ELOVL6: variants seen among roughly 807,000 people sequenced by gnomAD.
The protein encoded by ELOVL6 is ELOVL fatty acid elongase 6, also known as very long chain fatty acid elongase 6.
Under a neutral mutation model 31.7 loss-of-function variants are expected in ELOVL6, and 8 were observed. The ratio of observed to expected loss-of-function variants is 0.25; its 90% CI spans 0.15 to 0.45. ELOVL6 has a LOEUF of 0.45. Ranked by LOEUF, ELOVL6 falls within the 20% of genes least tolerant of loss-of-function variation. The pLI is 1.00. For missense variants in ELOVL6, 126 were observed against 326.4 expected (o/e 0.39, Z 4.73); for synonymous variants, 101 against 117.7 (o/e 0.86, Z 0.92).
chr4:110,102,468 C>A (rs980235831), intron 2 of ELOVL6, among the ~76,000 whole-genome samples: 2 of 152,032 alleles, frequency 1.3e-5, no homozygotes, highest in African/African-American at 2.4e-5. Context: ...CTAGCTAGGG[C>A]AACATAGTGA....
chr4:110,114,697 G>A (rs1757128035), intron 1 of ELOVL6, among the ~76,000 whole-genome samples: 1 of 152,150 alleles, frequency 6.6e-6, no homozygotes, highest in East Asian at 1.9e-4. Flanking sequence ...TTATCCTAAA[G>A]AAGCCTAGGA....
At chr4:110,066,555 C>A (rs1472609987) in intron 2 of ELOVL6, among the ~76,000 whole-genome samples, 2 of 145,150 alleles carry the variant, frequency 1.4e-5, no homozygotes, top group Non-Finnish European at 3.0e-5. Context: ...AGGAGAATCA[C>A]GTGAACGCAG....
At chr4:110,128,798 C>G (rs553527853) in intron 1 of ELOVL6, among the ~76,000 whole-genome samples, 1 of 152,220 alleles carries the variant, frequency 6.6e-6, no homozygotes, top group Non-Finnish European at 1.5e-5. Context: ...CAGCTACCAA[C>G]ATGCAACAAT....
chr4:110,091,506 C>T (rs1366830080), intron 2 of ELOVL6, among the ~76,000 whole-genome samples: 1 of 152,178 alleles, frequency 6.6e-6, no homozygotes, highest in Non-Finnish European at 1.5e-5. Flanking sequence ...TATCTATCTG[C>T]ATTAAGCTAG....
At chr4:110,136,066 T>A (rs554263939) in intron 1 of ELOVL6, among the ~76,000 whole-genome samples, 1 of 152,322 alleles carries the variant, frequency 6.6e-6, no homozygotes, top group South Asian at 2.1e-4. Context: ...AAAGCATTGA[T>A]CACAAAGACT....
chr4:110,124,483 C>T (rs147702629), intron 1 of ELOVL6, among the ~76,000 whole-genome samples: 81 of 152,250 alleles, frequency 5.3e-4, no homozygotes, highest in African/African-American at 1.9e-3. Context: ...CATGTTCTTA[C>T]TCATAAGTAG....
intron 1 of ELOVL6, chr4:110,117,903 A>AATATATATATATATATATATATATAT (rs1194332428): frequency 7.7e-4 from 5 of 6,494 alleles, no homozygotes; most frequent in Non-Finnish European, 1.5e-3. Context: ...AAAAAAAAAA[A>AATATATATATATATATATATATATAT]ATATATATAT....
intron 1 of ELOVL6, among the ~76,000 whole-genome samples, chr4:110,113,409 TC>T (rs1757092164): frequency 1.4e-5 from 1 of 73,380 alleles, no homozygotes; most frequent in African/African-American, 4.4e-5. Flanking sequence ...TGAGACCCCC[TC>T]CATCTCTACA....
chr4:110,057,748 G>T (rs1001841825), intron 3 of ELOVL6, among the ~76,000 whole-genome samples: 3 of 151,586 alleles, frequency 2.0e-5, no homozygotes, highest in Non-Finnish European at 4.4e-5. Flanking sequence ...CTACTCGGAA[G>T]GCTGAGGCAC....
chr4:110,137,200 C>T (rs983314926), intron 1 of ELOVL6, among the ~76,000 whole-genome samples: 11 of 152,126 alleles, frequency 7.2e-5, no homozygotes, highest in Non-Finnish European at 1.3e-4. Context: ...AATTTTAGTT[C>T]CTTCCAGCAT....
rs116152201 is a variant in ELOVL6, at chr4:110,153,950, T to C, written c.89+44297A>G. Among the ~76,000 whole-genome samples the C allele has an allele frequency of 6.0e-3, 915 of 152,292 alleles. 10 individuals are homozygous for C. Among genetic ancestry groups the C allele is most frequent in the African/African-American group, 0.021 (872 of 41,576 alleles). ...CTTCATTTGCAAGGAAACAGGAAGT[T>C]TTTTTCTCCCCAATTTTATACCAAG... On this transcript the variant is annotated intron_variant, in intron 1 of 3. Transcript: ENST00000302274.
At chr4:110,093,122 GT>G (rs1326041904) in intron 2 of ELOVL6, 1 of 452,750 alleles carries the variant, frequency 2.2e-6, no homozygotes, top group Admixed American at 2.4e-5. Flanking sequence ...GCTGTTTCAA[GT>G]TGTTATAGCA....
intron 2 of ELOVL6, among the ~76,000 whole-genome samples, chr4:110,079,362 G>A (rs1236159101): frequency 6.6e-6 from 1 of 152,016 alleles, no homozygotes; most frequent in East Asian, 1.9e-4. Context: ...TCAGCAAATG[G>A]AAAAGAACAG....
At chr4:110,172,769 T>C (rs1758992265) in intron 1 of ELOVL6, among the ~76,000 whole-genome samples, 1 of 152,234 alleles carries the variant, frequency 6.6e-6, no homozygotes, top group Non-Finnish European at 1.5e-5. Flanking sequence ...CTGATGTTTT[T>C]TACTGTAAAC....
chr4:110,120,805 T>C (rs1178900820), intron 1 of ELOVL6, among the ~76,000 whole-genome samples: 5 of 142,372 alleles, frequency 3.5e-5, no homozygotes, highest in South Asian at 2.3e-4. Flanking sequence ...TTTCTTTTTT[T>C]TTTTTTTTTT....
chr4:110,084,722 G>A (rs1756198548), intron 2 of ELOVL6, among the ~76,000 whole-genome samples: 1 of 149,022 alleles, frequency 6.7e-6, no homozygotes, highest in Non-Finnish European at 1.5e-5. Flanking sequence ...AGCCTCCTGA[G>A]TAGCTGGGGC....
chr4:110,153,960 C>T (rs1048181288), intron 1 of ELOVL6, among the ~76,000 whole-genome samples: 3 of 152,124 alleles, frequency 2.0e-5, no homozygotes, highest in African/African-American at 7.2e-5. Flanking sequence ...TTTTTTCTCC[C>T]CAATTTTATA....
chr4:110,073,415 T>A (rs574512707), intron 2 of ELOVL6, among the ~76,000 whole-genome samples: 2 of 152,238 alleles, frequency 1.3e-5, no homozygotes, highest in Non-Finnish European at 1.5e-5. Flanking sequence ...AAGTGGGTTG[T>A]GCCTGTGGAA....
intron 1 of ELOVL6, among the ~76,000 whole-genome samples, chr4:110,122,302 T>A (rs1389459133): frequency 6.6e-6 from 1 of 152,196 alleles, no homozygotes; most frequent in Non-Finnish European, 1.5e-5. Flanking sequence ...ATGGCATTAA[T>A]ATTATATGGT....
Sources: allele counts gnomAD v4.1 joint callset (sites outside exome capture counted in the v4.1 genomes callset), GRCh38; gene constraint gnomAD v4.1.1; transcripts MANE v1.5; gene names NCBI Gene and HGNC (gene_info 2026-07-23, HGNC 2026-07-21).